Variants in ODF2L observed in about 807,000 individuals in gnomAD.
The protein encoded by ODF2L is protein BCAP.
ODF2L carries 76 observed loss-of-function variants against 86.3 expected under a neutral mutation model. The observed-to-expected ratio is 0.88, with a 90% CI of 0.73 to 1.07. ODF2L has a LOEUF of 1.07. Ranked by LOEUF, ODF2L falls within the 50% of genes least tolerant of loss-of-function variation. The pLI, the probability that ODF2L is intolerant of heterozygous loss-of-function variation, is 0.00. For missense variants in ODF2L, 748 were observed against 717.4 expected, an observed-to-expected ratio of 1.04 and a Z score of -0.49; for synonymous variants, 241 against 231.3, an observed-to-expected ratio of 1.04 and a Z score of -0.38.
intron 10 of ODF2L, chr1:86,368,859 T>C (rs892577872): frequency 6.2e-6 from 4 of 649,892 alleles, no homozygotes; most frequent in East Asian, 3.5e-5. Flanking sequence ...GTTGACTATA[T>C]ATTACAAAGT....
intron 13 of ODF2L, chr1:86,357,973 A>G (rs1658717101): frequency 1.0e-6 from 1 of 985,450 alleles, no homozygotes; most frequent in African/African-American, 1.7e-5. Flanking sequence ...CCTGCTAAAA[A>G]TAGGTGAAAA....
At chr1:86,374,864 A>G (rs544662563) in intron 8 of ODF2L, 1 of 152,136 alleles carries the variant, frequency 6.6e-6, no homozygotes, top group African/African-American at 2.4e-5. Context: ...TTTAGCTCTT[A>G]TTGCTGAACT....
chr1:86,348,192 C>T (rs992936925), downstream of ODF2L: 2 of 151,854 alleles, frequency 1.3e-5, no homozygotes, highest in East Asian at 1.9e-4. Flanking sequence ...TACTTAATAG[C>T]GATGATTTAA....
At chr1:86,382,131 C>T (rs1660628369) in intron 7 of ODF2L, 111 bp downstream of exon 7, 1 of 1,325,162 alleles carries the variant, frequency 7.5e-7, no homozygotes, top group Admixed American at 3.4e-5. Context: ...TTTCCCATGT[C>T]AACAACTGTG....
In ODF2L at chr1:86,354,426, C is replaced by G. The variant is rs533283475; in HGVS notation, c.1767+104G>C. The G allele has an allele frequency of 7.0e-6, 5 of 713,908 alleles. No homozygotes were observed. The Admixed American group carries it at 1.0e-4, about 15-fold the overall frequency. The allele number at this position is 713,908 out of a possible 1,614,324, so 44.2% of individuals were successfully genotyped here. On this transcript the variant is annotated intron_variant, in intron 16 of 17. Coordinates refer to ENST00000317336, the Ensembl canonical transcript of ODF2L. ...AAGAAAAATGTAATTGCTCCCTTCA[C>G]CCTGTCATCAGGACAAAAACAATAA... is the stretch of plus-strand genomic sequence containing the variant.
chr1:86,353,846 C>T (rs1289581007), intron 16 of ODF2L, among the ~76,000 whole-genome samples: 1 of 152,186 alleles, frequency 6.6e-6, no homozygotes, highest in Non-Finnish European at 1.5e-5. Flanking sequence ...GGTAACAGGG[C>T]AGTGATGGCA....
chr1:86,372,041 C>A (rs1659820378), intron 9 of ODF2L, among the ~76,000 whole-genome samples: 1 of 151,514 alleles, frequency 6.6e-6, no homozygotes, highest in Non-Finnish European at 1.5e-5. Flanking sequence ...CAAAAAAAAA[C>A]AGCTGGGCTT....
chr1:86,349,371 A>T (rs1285624250), downstream of ODF2L: 1 of 152,076 alleles, frequency 6.6e-6, no homozygotes, highest in East Asian at 1.9e-4. Flanking sequence ...ACCACAATAC[A>T]TTTTTTTTAA....
At chr1:86,352,337 A>G (rs1658195441) in intron 17 of ODF2L, 1 of 1,111,258 alleles carries the variant, frequency 9.0e-7, no homozygotes, top group Non-Finnish European at 1.2e-6. Context: ...AGTATTCAGG[A>G]AAAAAAACAG....
intron 12 of ODF2L, among the ~76,000 whole-genome samples, chr1:86,359,706 T>C (rs964658100): frequency 1.3e-5 from 2 of 151,862 alleles, no homozygotes; most frequent in African/African-American, 4.8e-5. Flanking sequence ...GTATTTTTAG[T>C]AGAGACAGGG....
chr1:86,376,105 G>GTT (rs550253957), intron 8 of ODF2L, 128 bp downstream of exon 8: 15 of 478,476 alleles, frequency 3.1e-5, no homozygotes, highest in Middle Eastern at 5.7e-4. Flanking sequence ...AGCAAAAAGT[G>GTT]TAAGTTTTTT....
At chr1:86,353,046 G>T in intron 16 of ODF2L, 62 bp from the exon 16 acceptor site, 1 of 1,060,742 alleles carries the variant, frequency 9.4e-7, no homozygotes, top group Non-Finnish European at 1.4e-6. Flanking sequence ...TTAAAGCCTT[G>T]ACAGTTATAT....
chr1:86,374,639 T>C (rs1226571988), intron 8 of ODF2L, among the ~76,000 whole-genome samples: 2 of 152,174 alleles, frequency 1.3e-5, no homozygotes, highest in Non-Finnish European at 2.9e-5. Flanking sequence ...ATTTCTCCTT[T>C]CATCTCTCCT....
chr1:86,376,583 T>C (rs969319077), intron 7 of ODF2L, among the ~76,000 whole-genome samples, 165 bp from the exon 8 acceptor site: 7 of 152,216 alleles, frequency 4.6e-5, no homozygotes, highest in African/African-American at 1.7e-4. Flanking sequence ...AGAAGTTTAA[T>C]TGACTCACAG....
At chr1:86,395,837 C>T (rs142453794) in intron 1 of ODF2L, 196 bp downstream of exon 1, 1 of 152,450 alleles carries the variant, frequency 6.6e-6, no homozygotes, top group East Asian at 1.9e-4. Context: ...AGTCTCGCCG[C>T]CCTTTTCCCA....
chr1:86,367,973 T>G (rs547434524), intron 11 of ODF2L, among the ~76,000 whole-genome samples: 1 of 152,208 alleles, frequency 6.6e-6, no homozygotes, highest in African/African-American at 2.4e-5. Flanking sequence ...TTTGTTCAGA[T>G]GCCATTTTTT....
intron 6 of ODF2L, 124 bp downstream of exon 6, chr1:86,382,807 A>G (rs777800192): frequency 4.7e-6 from 3 of 640,910 alleles, no homozygotes; most frequent in Non-Finnish European, 8.4e-6. Flanking sequence ...AAAATATCCA[A>G]ATAATCTAGA....
exon 14 of ODF2L, chr1:86,356,490 C>A (rs1658571941): frequency 1.2e-6 from 2 of 1,613,982 alleles, no homozygotes; most frequent in East Asian, 4.5e-5. Flanking sequence ...TGCACACTTC[C>A]CCTTGCAGCA....
At chr1:86,353,173 A>G (rs1327055569) in intron 16 of ODF2L, among the ~76,000 whole-genome samples, 189 bp from the exon 16 acceptor site, 3 of 152,210 alleles carry the variant, frequency 2.0e-5, no homozygotes, top group South Asian at 4.1e-4. Context: ...GCAGCACTAA[A>G]TATCTGCAAA....
Sources: allele counts gnomAD v4.1 joint callset (sites outside exome capture counted in the v4.1 genomes callset), GRCh38; gene constraint gnomAD v4.1.1; transcripts MANE v1.5; gene names NCBI Gene and HGNC (gene_info 2026-07-23, HGNC 2026-07-21).